Variants in PRKCE observed in about 807,000 individuals in gnomAD.
PRKCE encodes protein kinase C epsilon, also known as protein kinase C epsilon type.
In PRKCE, 16 loss-of-function variants were observed where a neutral mutation model predicts 85.4. That is an observed-to-expected ratio of 0.19 (90% CI 0.13 to 0.28). The LOEUF is 0.28. Ranked by LOEUF, PRKCE falls within the 10% of genes least tolerant of loss-of-function variation. The pLI is 1.00. For missense variants in PRKCE, 573 were observed against 975.2 expected (o/e 0.59, Z 5.49); for synonymous variants, 388 against 371.5 (o/e 1.04, Z -0.51).
chr2:45,737,540 G>C (rs1229093408), intron 1 of PRKCE, among the ~76,000 whole-genome samples: 1 of 152,110 alleles, frequency 6.6e-6, no homozygotes, highest in Admixed American at 6.5e-5. Context: ...ACTGCCCAGC[G>C]GAGGACCTCT....
intron 2 of PRKCE, among the ~76,000 whole-genome samples, chr2:45,911,914 G>A (rs971156354): frequency 2.6e-5 from 4 of 152,100 alleles, no homozygotes; most frequent in Non-Finnish European, 5.9e-5. Context: ...ATCTTAACAG[G>A]TGCTGGTATG....
At chr2:45,997,889 T>C (rs560752429) in intron 6 of PRKCE, among the ~76,000 whole-genome samples, 76 of 152,290 alleles carry the variant, frequency 5.0e-4, no homozygotes, top group Non-Finnish European at 2.4e-4. Context: ...TTAAAACTTA[T>C]CTTGAGATTT....
chr2:46,092,844 G>A (rs1394253955), intron 11 of PRKCE, among the ~76,000 whole-genome samples: 1 of 152,166 alleles, frequency 6.6e-6, no homozygotes, highest in South Asian at 2.1e-4. Flanking sequence ...TCCTGCCATT[G>A]GCACACAGTT....
chr2:46,010,660 T>G, intron 10 of PRKCE, 143 bp downstream of exon 10: 1 of 1,599,032 alleles, frequency 6.3e-7, no homozygotes, highest in Non-Finnish European at 8.5e-7. Context: ...TCAGGATGTA[T>G]TTGAACAGCA....
At chr2:46,060,906 C>T (rs1037552330) in intron 10 of PRKCE, among the ~76,000 whole-genome samples, 70 of 151,362 alleles carry the variant, frequency 4.6e-4, no homozygotes, top group Non-Finnish European at 6.5e-4. Context: ...GGACCGCAGG[C>T]GCACGCCACC....
At chr2:45,955,295 A>G (rs1365086066) in intron 2 of PRKCE, among the ~76,000 whole-genome samples, 2 of 152,186 alleles carry the variant, frequency 1.3e-5, no homozygotes, top group African/African-American at 4.8e-5. Context: ...GAGAACTGGT[A>G]TAATGAGAAG....
intron 11 of PRKCE, among the ~76,000 whole-genome samples, chr2:46,101,893 C>T (rs1425690661): frequency 6.8e-6 from 1 of 148,138 alleles, no homozygotes; most frequent in Non-Finnish European, 1.5e-5. Context: ...ACCCAAAACC[C>T]TGATTTGTAG....
intron 11 of PRKCE, among the ~76,000 whole-genome samples, chr2:46,133,456 T>C (rs1479641361): frequency 6.6e-6 from 1 of 152,224 alleles, no homozygotes; most frequent in African/African-American, 2.4e-5. Flanking sequence ...TGTGTCTTTC[T>C]TCCCTCTCCC....
intron 1 of PRKCE, among the ~76,000 whole-genome samples, chr2:45,805,217 C>G (rs1231812382): frequency 6.6e-6 from 1 of 152,146 alleles, no homozygotes; most frequent in Non-Finnish European, 1.5e-5. Context: ...GATGAGAAAA[C>G]AGAGCCATAG....
intron 2 of PRKCE, among the ~76,000 whole-genome samples, chr2:45,859,725 A>G (rs12989006): frequency 0.04 from 6,076 of 152,184 alleles, 150 homozygotes; most frequent in Middle Eastern, 0.082. Context: ...TTTTCATTCT[A>G]TGGTTATCTG....
chr2:45,961,398 T>C (rs1701367378), intron 2 of PRKCE, among the ~76,000 whole-genome samples: 2 of 152,222 alleles, frequency 1.3e-5, no homozygotes, highest in African/African-American at 4.8e-5. Flanking sequence ...AAGATAGTAA[T>C]CAAGATTTAT....
intron 1 of PRKCE, among the ~76,000 whole-genome samples, chr2:45,734,239 C>T (rs776072877): frequency 6.6e-6 from 1 of 152,076 alleles, no homozygotes; most frequent in African/African-American, 2.4e-5. Context: ...GTGGCGTGCA[C>T]CCGTAGTCCT....
chr2:45,951,537 A>C (rs1180708296), intron 2 of PRKCE, among the ~76,000 whole-genome samples: 1 of 152,204 alleles, frequency 6.6e-6, no homozygotes, highest in East Asian at 1.9e-4. Flanking sequence ...GGCCACACTT[A>C]GATGTTAACC....
intron 2 of PRKCE, among the ~76,000 whole-genome samples, chr2:45,962,627 T>C (rs1333246118): frequency 6.6e-6 from 1 of 152,216 alleles, no homozygotes; most frequent in Non-Finnish European, 1.5e-5. Context: ...CAGTGACTAT[T>C]CTTTTCCCAA....
At chr2:45,867,492 A>G (rs1365089937) in intron 2 of PRKCE, among the ~76,000 whole-genome samples, 1 of 152,156 alleles carries the variant, frequency 6.6e-6, no homozygotes, top group African/African-American at 2.4e-5. Context: ...AGAGGATCTG[A>G]GCTGCTTATT....
At chr2:46,113,286 C>T (rs971512464) in intron 11 of PRKCE, among the ~76,000 whole-genome samples, 5 of 152,212 alleles carry the variant, frequency 3.3e-5, no homozygotes, top group African/African-American at 9.7e-5. Flanking sequence ...AAATGCAGAA[C>T]TCTAAAGTCA....
At position 45,697,450 on chromosome 2, in the gene PRKCE, TAACA is replaced by T. The variant is rs1678248554; in HGVS notation, c.348+45009_348+45012del. Among the ~76,000 whole-genome samples the T allele has an allele frequency of 1.3e-5, 2 of 152,250 alleles. No homozygotes were observed. The highest frequency in any genetic ancestry group is 3.9e-4 in the East Asian group (2 of 5,190). ...TTATTTAGCCAGGACAGATAAGGACTAACAAACAAAACCAAACCAGAGTGGAAAT... is the reference window on the plus strand; with the variant it reads ...TTATTTAGCCAGGACAGATAAGGACTAACAAAACCAAACCAGAGTGGAAAT... On this transcript the variant is annotated intron_variant, in intron 1 of 14. Transcript: ENST00000306156. This position sits in a 1 kb window ranked among gnomAD's most constrained non-coding sequence, Gnocchi z 4.2.
At chr2:45,855,457 C>G (rs918724225) in intron 2 of PRKCE, among the ~76,000 whole-genome samples, 3 of 152,178 alleles carry the variant, frequency 2.0e-5, no homozygotes. Context: ...TGTGTGAACC[C>G]TTCCTAAGAA....
At chr2:46,018,232 C>A (rs1215603005) in intron 10 of PRKCE, among the ~76,000 whole-genome samples, 5 of 152,210 alleles carry the variant, frequency 3.3e-5, no homozygotes, top group Admixed American at 6.5e-5. Flanking sequence ...GAGGCCCTCA[C>A]ACTTGTCTGT....
Sources: allele counts gnomAD v4.1 joint callset (sites outside exome capture counted in the v4.1 genomes callset), GRCh38; gene constraint gnomAD v4.1.1; non-coding constraint Gnocchi (gnomAD v3.1); transcripts MANE v1.5; gene names NCBI Gene and HGNC (gene_info 2026-07-23, HGNC 2026-07-21).